Variants in TNIK observed in about 807,000 individuals in gnomAD.
TNIK encodes TRAF2 and NCK-interacting protein kinase.
In TNIK, 49 loss-of-function variants were observed where a neutral mutation model predicts 191.3. The observed-to-expected ratio is 0.26, with a 90% CI of 0.20 to 0.32. The LOEUF (loss-of-function observed/expected upper bound fraction) is 0.32, where lower values mean the gene tolerates loss of function less well. TNIK is among the 10% of genes least tolerant of loss of function. The pLI is 1.00. For synonymous variants in TNIK, 594 were observed against 600.9 expected, an observed-to-expected ratio of 0.99 and a Z score of 0.17; for missense variants, 1,155 against 1,702.3, an observed-to-expected ratio of 0.68 and a Z score of 5.66.
intron 2 of TNIK, among the ~76,000 whole-genome samples, chr3:171,365,478 G>A (rs532869041): frequency 1.9e-4 from 29 of 151,902 alleles, no homozygotes; most frequent in Admixed American, 1.6e-3. Flanking sequence ...CACCGCGCCC[G>A]GCCCAAAAGT....
intron 2 of TNIK, among the ~76,000 whole-genome samples, chr3:171,276,317 T>A (rs771228727): frequency 6.6e-6 from 1 of 152,146 alleles, no homozygotes; most frequent in Non-Finnish European, 1.5e-5. Context: ...AACCAGTGGA[T>A]CTGAAGGAGG....
At chr3:171,240,042 T>C (rs2109032944) in intron 2 of TNIK, among the ~76,000 whole-genome samples, 1 of 152,254 alleles carries the variant, frequency 6.6e-6, no homozygotes, top group South Asian at 2.1e-4. Flanking sequence ...AGTTAGTAAA[T>C]GCATTGATTT....
intron 7 of TNIK, among the ~76,000 whole-genome samples, chr3:171,181,161 A>C (rs1241178679): frequency 6.6e-6 from 1 of 152,256 alleles, no homozygotes; most frequent in East Asian, 1.9e-4. Context: ...CTTTTAAGAC[A>C]GGCAGATCCG....
chr3:171,090,768 A>G (rs565222859), intron 23 of TNIK, among the ~76,000 whole-genome samples: 2 of 152,288 alleles, frequency 1.3e-5, no homozygotes, highest in African/African-American at 4.8e-5. Flanking sequence ...CTGTGGGGCT[A>G]TAGGACAGGG....
intron 12 of TNIK, among the ~76,000 whole-genome samples, chr3:171,144,715 A>G (rs1313333452): frequency 3.3e-5 from 5 of 152,176 alleles, no homozygotes; most frequent in Non-Finnish European, 7.3e-5. Flanking sequence ...GAACACCAGC[A>G]CTTATTCCTC....
chr3:171,443,267 T>C (rs1311235946), intron 1 of TNIK, among the ~76,000 whole-genome samples: 1 of 152,204 alleles, frequency 6.6e-6, no homozygotes, highest in African/African-American at 2.4e-5. Context: ...ATCCATGCTC[T>C]GAAAGTCTTG....
At position 171,120,447 on chromosome 3, in the gene TNIK, A is replaced by G. The variant is rs562248369; in HGVS notation, c.2120+3149T>C. Among the ~76,000 whole-genome samples, 363 of 151,398 alleles carry G rather than the reference A, an allele frequency of 2.4e-3. 1 individual carries two copies. Among genetic ancestry groups the G allele is most frequent in the Non-Finnish European group, 3.8e-3 (260 of 67,886 alleles). On this transcript the variant is annotated intron_variant, in intron 18 of 32. Coordinates refer to ENST00000436636, the MANE Select transcript of TNIK (RefSeq NM_015028.4). ...GCCATTCTCCTGCCTCAGCCTCCCA[A>G]GTAGCTGGGACTACAGGCGCCTGCC...
Position 171,157,534 on chromosome 3 carries a change from G to C in TNIK, c.1147C>G (p.His383Asp). ...LEQQQRENEE[H>D]KRQLLAERQK... ...CGCTCGGCCAGCAGCTGCCGCTTGTGCTCCTCATTCTCCCGCTGCTGCTGC... is the reference window on the plus strand; with the variant it reads ...CGCTCGGCCAGCAGCTGCCGCTTGTCCTCCTCATTCTCCCGCTGCTGCTGC... The change falls in exon 12 of 33, where the codon CAC (histidine) becomes GAC (aspartate). Residue 383 changes from histidine to aspartate, a missense_variant. This residue lies in a region of TNIK where 735 missense variants were observed against 848.0 expected (regional missense o/e 0.87). Transcript: ENST00000436636. The C allele has an allele frequency of 6.4e-7, 1 of 1,570,670 alleles. No homozygotes were observed. Among genetic ancestry groups the C allele is most frequent in the East Asian group, 2.4e-5 (1 of 42,230 alleles).
intron 28 of TNIK, among the ~76,000 whole-genome samples, chr3:171,078,701 G>T (rs1483669917): frequency 6.6e-6 from 1 of 151,956 alleles, no homozygotes; most frequent in Non-Finnish European, 1.5e-5. Context: ...TTATCTTTAG[G>T]GTAGTTAGGC....
At chr3:171,135,459 T>G (rs988148672) in intron 15 of TNIK, among the ~76,000 whole-genome samples, 1 of 152,236 alleles carries the variant, frequency 6.6e-6, no homozygotes, top group Non-Finnish European at 1.5e-5. Flanking sequence ...GCACTGTCAC[T>G]CTCCTTCTAT....
chr3:171,397,118 T>C (rs887937406), intron 1 of TNIK, among the ~76,000 whole-genome samples: 3 of 152,188 alleles, frequency 2.0e-5, no homozygotes, highest in South Asian at 4.1e-4. Flanking sequence ...GCCTCTGAAA[T>C]GTGGCATCTG....
intron 1 of TNIK, among the ~76,000 whole-genome samples, chr3:171,394,098 G>T (rs1456665989): frequency 6.6e-6 from 1 of 152,142 alleles, no homozygotes; most frequent in Non-Finnish European, 1.5e-5. Flanking sequence ...TCTTTCAAAT[G>T]CATCCTCAGA....
chr3:171,336,569 T>TC (rs1756968648), intron 2 of TNIK, among the ~76,000 whole-genome samples: 1 of 152,170 alleles, frequency 6.6e-6, no homozygotes, highest in South Asian at 2.1e-4. Flanking sequence ...AAGACCATAG[T>TC]CCCCTCGGAG....
intron 2 of TNIK, among the ~76,000 whole-genome samples, chr3:171,327,565 G>A (rs1254379173): frequency 6.6e-6 from 1 of 152,100 alleles, no homozygotes; most frequent in Admixed American, 6.5e-5. Context: ...GACACAGTGT[G>A]ACTGGACAAA....
intron 2 of TNIK, among the ~76,000 whole-genome samples, chr3:171,267,183 A>C (rs1748500923): frequency 6.6e-6 from 1 of 152,210 alleles, no homozygotes; most frequent in Non-Finnish European, 1.5e-5. Context: ...TATTCACTCA[A>C]TCTGAGTCAC....
At chr3:171,183,996 A>G (rs1737052357) in intron 7 of TNIK, among the ~76,000 whole-genome samples, 1 of 151,570 alleles carries the variant, frequency 6.6e-6, no homozygotes, top group East Asian at 1.9e-4. Flanking sequence ...AACTATCTAT[A>G]ATATATATAC....
At chr3:171,343,782 T>C (rs903180576) in intron 2 of TNIK, among the ~76,000 whole-genome samples, 5 of 152,174 alleles carry the variant, frequency 3.3e-5, no homozygotes, top group African/African-American at 1.2e-4. Context: ...TTTTGATTTA[T>C]CTCCAAATCA....
chr3:171,437,327 C>T (rs1188532627), intron 1 of TNIK, among the ~76,000 whole-genome samples: 2 of 152,202 alleles, frequency 1.3e-5, no homozygotes, highest in African/African-American at 4.8e-5. Context: ...TTCCACTTTG[C>T]TCTGTTCCAG....
chr3:171,106,852 T>A (rs1431444608), intron 21 of TNIK: 1 of 517,786 alleles, frequency 1.9e-6, no homozygotes, highest in African/African-American at 1.9e-5. Context: ...TGAGAGCCAT[T>A]CCCTAGCAAG....
Sources: gnomAD v4.1 joint callset for allele counts (sites outside exome capture counted in the v4.1 genomes callset) on GRCh38, gnomAD v4.1.1 for gene constraint, gnomAD v4.1.1 regional missense constraint, MANE v1.5 for transcripts, NCBI Gene and HGNC (gene_info 2026-07-23, HGNC 2026-07-21) for gene names.